Variants in DLG5 observed in about 807,000 individuals in gnomAD.
DLG5 encodes the protein disks large homolog 5.
Under a neutral mutation model 189.8 loss-of-function variants are expected in DLG5, and 48 were observed. That is an observed-to-expected ratio of 0.25 (90% confidence interval 0.20 to 0.32). The LOEUF is 0.32. DLG5 is among the 10% of genes least tolerant of loss of function. The probability of loss-of-function intolerance (pLI) is 1.00; values close to 1 mark genes in which losing one functional copy is unlikely to be tolerated. For synonymous variants in DLG5, 1,016 were observed against 1,054.1 expected (o/e 0.96, Z 0.70); for missense variants, 2,160 against 2,544.7 (o/e 0.85, Z 3.25).
chr10:77,806,986 A>G (rs1841511020), intron 25 of DLG5, 58 bp from the exon 26 acceptor site: 1 of 1,573,762 alleles, frequency 6.4e-7, no homozygotes, highest in Non-Finnish European at 8.7e-7. Flanking sequence ...AGGACGAACC[A>G]GGTGCCTTCT....
chr10:77,912,419 A>G (rs1044773439), intron 1 of DLG5: 12 of 152,028 alleles, frequency 7.9e-5, no homozygotes, highest in African/African-American at 2.7e-4. Context: ...CAGGGTCACC[A>G]TATTGATGCC....
chr10:77,862,084 A>T (rs1048798174), intron 2 of DLG5, among the ~76,000 whole-genome samples: 2 of 152,186 alleles, frequency 1.3e-5, no homozygotes, highest in African/African-American at 4.8e-5. Flanking sequence ...ATCCCCATTC[A>T]ACTGAAGTTT....
rs1028257481 is a variant in DLG5, at chr10:77,821,707, C to T, written c.2777G>A (p.Cys926Tyr). 4 of 1,611,962 alleles carry T rather than the reference C, an allele frequency of 2.5e-6. No homozygotes were observed. The highest frequency in any genetic ancestry group is 2.5e-6 in the Non-Finnish European group (3 of 1,179,520). The change falls in exon 15 of 32, where the codon TGT becomes TAT. Residue 926 changes from cysteine to tyrosine, a missense_variant. Cys to Tyr is a radical substitution (Grantham distance 194). This residue lies in a region of DLG5 where 754 missense variants were observed against 746.5 expected (regional missense o/e 1.01). Transcript: ENST00000372391. ...GTCCAGGGAGGCCTCCCCAACCCCA[C>T]AGGGGCCCACCTCGGTCTCAAAGGG... is the stretch of plus-strand genomic sequence containing the variant. ...LLPFETEVGPCGVGEASLDKA... is the reference protein window; with the variant it reads ...LLPFETEVGPYGVGEASLDKA...
intron 27 of DLG5, among the ~76,000 whole-genome samples, chr10:77,803,561 A>C (rs2812410): frequency 0.71 from 107,371 of 152,068 alleles, 38,207 homozygotes; most frequent in African/African-American, 0.78. Flanking sequence ...AGACTTTCAG[A>C]AAGAAACATT....
chr10:77,868,989 T>C (rs1844796253), intron 2 of DLG5, 140 bp downstream of exon 2: 1 of 709,550 alleles, frequency 1.4e-6, no homozygotes. Context: ...GGAGAAAATG[T>C]AAATGAAATC....
At chr10:77,920,175 C>T (rs1846494108) in intron 1 of DLG5, among the ~76,000 whole-genome samples, 1 of 152,226 alleles carries the variant, frequency 6.6e-6, no homozygotes, top group South Asian at 2.1e-4. Context: ...TTGCTGTCTA[C>T]TACTGCCACT....
intron 5 of DLG5, among the ~76,000 whole-genome samples, chr10:77,845,059 G>A (rs181854527): frequency 6.7e-4 from 102 of 152,380 alleles, no homozygotes; most frequent in African/African-American, 2.4e-3. Flanking sequence ...TCCTGAGTGA[G>A]ACAGGAAGCT....
At chr10:77,896,990 A>G (rs1432600783) in intron 1 of DLG5, among the ~76,000 whole-genome samples, 1 of 151,958 alleles carries the variant, frequency 6.6e-6, no homozygotes, top group Non-Finnish European at 1.5e-5. Flanking sequence ...AAATTCGAAG[A>G]AAAATAATCC....
chr10:77,936,275 T>TA, the DLG5 span, among the ~76,000 whole-genome samples: 1 of 151,952 alleles, frequency 6.6e-6, no homozygotes, highest in Admixed American at 6.6e-5. Flanking sequence ...CCATCTCTAC[T>TA]AAAAATACGA....
At position 77,809,717 on chromosome 10, in the gene DLG5, C is replaced by G. The variant is rs138734012; in HGVS notation, c.4477G>C (p.Ala1493Pro). ...KQSSSRIAGD[A>P]NKKTLEPRVV... ...CGTGGCTCCAGGGTCTTCTTGTTGGCATCTCCCGCAATCCTTTCAGGAAAA... is the reference window on the plus strand; with the variant it reads ...CGTGGCTCCAGGGTCTTCTTGTTGGGATCTCCCGCAATCCTTTCAGGAAAA... The change falls in exon 24 of 32, where the codon GCC (alanine) becomes CCC (proline). Residue 1493 changes from alanine (A) to proline (P), a missense_variant. By Grantham distance (27) the Ala-to-Pro change is conservative. Around this residue, in one of 5 missense-constraint regions of DLG5, gnomAD observed 574 missense variants for 644.2 expected, o/e 0.89. Coordinates refer to ENST00000372391, the MANE Select transcript of DLG5 (RefSeq NM_004747.4). 80 of 1,612,404 alleles carry G rather than the reference C, an allele frequency of 5.0e-5. No individual in the cohort carries two copies. The highest frequency in any genetic ancestry group is 6.7e-5 in the Non-Finnish European group (79 of 1,179,470).
chr10:77,884,202 G>A (rs1845369387), intron 1 of DLG5, among the ~76,000 whole-genome samples: 1 of 152,184 alleles, frequency 6.6e-6, no homozygotes, highest in South Asian at 2.1e-4. Flanking sequence ...CCAAATGCTA[G>A]GGAGGACTCG....
rs768002494 is a variant in DLG5, at chr10:77,812,004, G to A, written c.4242C>T (p.Ile1414=). 13 of 1,611,200 alleles carry A rather than the reference G, an allele frequency of 8.1e-6. No individual in the cohort carries two copies. The highest frequency in any genetic ancestry group is 6.7e-5 in the Admixed American group (4 of 60,010). ...TGGTGATGGTATCACACTGCTGCCC[G>A]ATGATGAGCCGCGCCTGCTGCTCCG... The part of the protein sequence containing the change: ...SATEQQARLI[I]GQQCDTITIL... Residue 1414 remains isoleucine, a synonymous_variant, in exon 22 of 32, where the codon ATC becomes ATT. Coordinates refer to ENST00000372391, the MANE Select transcript of DLG5 (RefSeq NM_004747.4).
Position 77,806,740 on chromosome 10 carries a change from G to T in DLG5, c.4967+18C>A, listed in dbSNP as rs780380733. Reference sequence around the variant, plus strand: ...GCGACCCCTGCCCCACCCCACCCCAGGCCCGGAGAACACTTACACATATTT... The same window carrying T: ...GCGACCCCTGCCCCACCCCACCCCATGCCCGGAGAACACTTACACATATTT... On this transcript the variant is annotated intron_variant, in intron 26 of 31. Coordinates refer to ENST00000372391, the MANE Select transcript of DLG5 (RefSeq NM_004747.4). The T allele has an allele frequency of 1.2e-5, 9 of 725,700 alleles. No individual in the cohort carries two copies. Among genetic ancestry groups the T allele is most frequent in the Non-Finnish European group, 1.6e-5 (7 of 428,694 alleles). The allele number at this position is 725,700 out of a possible 1,614,324, so 45.0% of individuals were successfully genotyped here.
At chr10:77,892,716 C>T (rs1326955866) in intron 1 of DLG5, among the ~76,000 whole-genome samples, 1 of 152,222 alleles carries the variant, frequency 6.6e-6, no homozygotes, top group Admixed American at 6.5e-5. Flanking sequence ...GCTTCCCTCA[C>T]AGGGCCAGGC....
chr10:77,887,681 C>T (rs1254114198), intron 1 of DLG5, among the ~76,000 whole-genome samples: 7 of 152,322 alleles, frequency 4.6e-5, no homozygotes, highest in Admixed American at 1.3e-4. Context: ...GCCAATGTCC[C>T]ATCAGCTGAG....
chr10:77,834,985 C>G (rs900990080), intron 8 of DLG5, among the ~76,000 whole-genome samples: 5 of 142,876 alleles, frequency 3.5e-5, no homozygotes, highest in Admixed American at 2.8e-4. Context: ...TATCTCTCCC[C>G]ACCCCAAACA....
chr10:77,859,506 C>T, intron 2 of DLG5, among the ~76,000 whole-genome samples: 1 of 152,164 alleles, frequency 6.6e-6, no homozygotes, highest in East Asian at 1.9e-4. Context: ...TGCAGCTTTT[C>T]TTTTCTATGT....
At chr10:77,853,677 C>T (rs1844092572) in intron 4 of DLG5, 140 bp from the exon 5 acceptor site, 1 of 870,710 alleles carries the variant, frequency 1.1e-6, no homozygotes. Context: ...GTCTGTAGCA[C>T]TCAGAGGCAA....
chr10:77,796,204 A>T lies in DLG5; in HGVS notation c.5309-16T>A, dbSNP rs1223750364. The T allele has an allele frequency of 6.2e-7, 1 of 1,613,996 alleles. No individual in the cohort carries two copies. The highest frequency in any genetic ancestry group is 8.5e-7 in the Non-Finnish European group (1 of 1,180,014). ...TTCATCACCTCTGCAATGCACAGAC[A>T]CAGGAATCAGGGAGCCCCAGGCCCT... On this transcript the variant is annotated splice_polypyrimidine_tract_variant and intron_variant, in intron 28 of 31. Coordinates refer to ENST00000372391, the MANE Select transcript of DLG5 (RefSeq NM_004747.4). The surrounding 1 kb of genome is among the most constrained non-coding windows in gnomAD (Gnocchi z 5.2).
Sources: gnomAD v4.1 joint callset for allele counts (sites outside exome capture counted in the v4.1 genomes callset) on GRCh38, gnomAD v4.1.1 for gene constraint, gnomAD v4.1.1 regional missense constraint, Gnocchi (gnomAD v3.1) non-coding constraint, MANE v1.5 for transcripts, NCBI Gene and HGNC (gene_info 2026-07-23, HGNC 2026-07-21) for gene names.